LGI1: variants seen among roughly 807,000 people sequenced by gnomAD.
LGI1 encodes leucine rich glioma inactivated 1.
Under a neutral mutation model 57.7 loss-of-function variants are expected in LGI1, and 11 were observed. The observed-to-expected ratio is 0.19, with a 90% confidence interval of 0.12 to 0.32. LGI1 has a LOEUF of 0.32. Ranked by LOEUF, LGI1 falls within the 10% of genes least tolerant of loss-of-function variation. The pLI, the probability that LGI1 is intolerant of heterozygous loss-of-function variation, is 1.00. For synonymous variants in LGI1, 222 were observed against 241.9 expected, an observed-to-expected ratio of 0.92 and a Z score of 0.76; for missense variants, 422 against 661.9, an observed-to-expected ratio of 0.64 and a Z score of 3.98.
chr10:93,774,055 A>G (rs2133996428), intron 2 of LGI1, among the ~76,000 whole-genome samples: 1 of 152,254 alleles, frequency 6.6e-6, no homozygotes, highest in Middle Eastern at 3.4e-3. Context: ...TCTAGGCTAC[A>G]CGTAGTTATA....
intron 2 of LGI1, chr10:93,771,326 T>C (rs932542449): frequency 1.3e-5 from 2 of 152,212 alleles, no homozygotes; most frequent in Non-Finnish European, 2.9e-5. Flanking sequence ...ATTTCCTTGA[T>C]CTCAAGACAG....
Position 93,797,547 on chromosome 10 carries a change from C to G in LGI1, c.1418C>G (p.Ser473Trp). The change falls in exon 8 of 8, where the codon TCG (serine) becomes TGG (tryptophan). Residue 473 changes from serine to tryptophan, a missense_variant. By Grantham distance (177) the Ser-to-Trp change is radical. Around this residue, in one of 3 missense-constraint regions of LGI1, gnomAD observed 301 missense variants for 461.7 expected, o/e 0.65. Transcript: ENST00000371418. This position sits in a 1 kb window ranked among gnomAD's most constrained non-coding sequence, Gnocchi z 6.5. ...TTCCAGGATATTCAGAGGATGCCATCGCGAGGATCCATGGTGTTCCAGCCT... is the reference window on the plus strand; with the variant it reads ...TTCCAGGATATTCAGAGGATGCCATGGCGAGGATCCATGGTGTTCCAGCCT... ...SSFQDIQRMP[S>W]RGSMVFQPLQ... 6.2e-7 allele frequency: 1 copy of G among 1,614,040 alleles called. No individual in the cohort carries two copies. The highest frequency in any genetic ancestry group is 8.5e-7 in the Non-Finnish European group (1 of 1,179,992).
intron 4 of LGI1, among the ~76,000 whole-genome samples, chr10:93,784,392 A>G (rs1227477643): frequency 1.3e-5 from 2 of 152,230 alleles, no homozygotes; most frequent in African/African-American, 4.8e-5. Flanking sequence ...CAAAGCTGTG[A>G]TTTAAGAGCA....
chr10:93,781,228 G>T (rs914427084), intron 4 of LGI1, among the ~76,000 whole-genome samples: 3 of 151,982 alleles, frequency 2.0e-5, no homozygotes, highest in Non-Finnish European at 2.9e-5. Flanking sequence ...GCGTGGTGGT[G>T]GGCGCCTGTA....
intron 2 of LGI1, chr10:93,776,903 A>T: frequency 5.1e-6 from 1 of 195,332 alleles, no homozygotes; most frequent in Non-Finnish European, 1.1e-5. Flanking sequence ...GCCAGTGTCA[A>T]CTGCCTGTCT....
Position 93,797,717 on chromosome 10 carries a change from A to G in LGI1, c.1588A>G (p.Ile530Val). ...ACCAAGATCATTCACACATGTGTCC[A>G]TTAATAAGCGTAATTTTCTTTTTGC... The part of the protein sequence containing the change: ...QAPRSFTHVS[I>V]NKRNFLFASS... The change falls in exon 8 of 8, where the codon ATT becomes GTT. Residue 530 changes from isoleucine (I) to valine (V), a missense_variant. By Grantham distance (29) the Ile-to-Val change is conservative. Around this residue, in one of 3 missense-constraint regions of LGI1, gnomAD observed 301 missense variants for 461.7 expected, o/e 0.65. Transcript: ENST00000371418. The surrounding 1 kb of genome is among the most constrained non-coding windows in gnomAD (Gnocchi z 6.5). The G allele has an allele frequency of 1.9e-6, 3 of 1,613,218 alleles. No individual in the cohort carries two copies. The highest frequency in any genetic ancestry group is 2.5e-6 in the Non-Finnish European group (3 of 1,180,030).
chr10:93,775,653 C>G (rs916652108), intron 2 of LGI1, among the ~76,000 whole-genome samples: 5 of 152,198 alleles, frequency 3.3e-5, no homozygotes, highest in African/African-American at 4.8e-5. Context: ...AAAAATCTAG[C>G]AGAAATCCTC....
intron 7 of LGI1, 120 bp downstream of exon 7, chr10:93,793,470 T>C: frequency 1.1e-6 from 1 of 875,632 alleles, no homozygotes; most frequent in Non-Finnish European, 1.9e-6. Flanking sequence ...CTACCATTTG[T>C]TAAGTGACCT....
intron 2 of LGI1, among the ~76,000 whole-genome samples, chr10:93,775,652 G>T (rs767222670): frequency 6.6e-6 from 1 of 152,202 alleles, no homozygotes; most frequent in Non-Finnish European, 1.5e-5. Flanking sequence ...AAAAAATCTA[G>T]CAGAAATCCT....
chr10:93,779,151 A>G (rs1226003754), intron 4 of LGI1, among the ~76,000 whole-genome samples: 1 of 152,134 alleles, frequency 6.6e-6, no homozygotes, highest in Non-Finnish European at 1.5e-5. Flanking sequence ...CAAAAGAAAC[A>G]AATATATGGA....
chr10:93,767,419 A>T (rs190460233), intron 2 of LGI1: 42 of 152,280 alleles, frequency 2.8e-4, no homozygotes, highest in African/African-American at 9.6e-4. Context: ...TTTACAATGA[A>T]GTTACCTTGG....
chr10:93,758,141 C>G lies in LGI1; in HGVS notation c.-4C>G. The G allele has an allele frequency of 6.2e-7, 1 of 1,613,774 alleles. No homozygotes were observed. Among genetic ancestry groups the G allele is most frequent in the Non-Finnish European group, 8.5e-7 (1 of 1,179,670 alleles). ...TTCATGGTTGGGGATATTTTCTCGA[C>G]TGCATGGAATCAGAAAGAAGCAAAA... On this transcript the variant is annotated 5_prime_UTR_variant, in exon 1 of 8. Transcript: ENST00000371418. This position sits in a 1 kb window ranked among gnomAD's most constrained non-coding sequence, Gnocchi z 4.7.
Position 93,790,132 on chromosome 10 carries a change from A to C in LGI1, c.465A>C (p.Pro155=). The C allele has an allele frequency of 1.2e-6, 2 of 1,605,734 alleles. No homozygotes were observed. Among genetic ancestry groups the C allele is most frequent in the Non-Finnish European group, 8.5e-7 (1 of 1,178,512 alleles). ...SLANNNLQTL[P]KDIFKGLDSL... ...CAAACAACAATCTCCAGACACTCCC[A>C]AAAGATATTTTCAAAGGCCTGGATT... The change falls in exon 5 of 8, where the codon CCA becomes CCC. Residue 155 remains proline (P), a synonymous_variant. Transcript: ENST00000371418.
rs1386173764 is a variant in LGI1 at position 93,797,526 on chromosome 10, A to G, written c.1397A>G (p.Gln466Arg). The G allele has an allele frequency of 1.9e-6, 3 of 1,614,216 alleles. No homozygotes were observed. In the South Asian group the frequency reaches 3.3e-5, roughly 18 times the overall value. Residue 466 changes from glutamine (Q) to arginine (R), a missense_variant, in exon 8 of 8, where the codon CAG becomes CGG. Physicochemically the swap from Gln to Arg is conservative, Grantham distance 43 (BLOSUM62 1). Coordinates refer to ENST00000371418, the MANE Select transcript of LGI1 (RefSeq NM_005097.4). The surrounding 1 kb of genome is among the most constrained non-coding windows in gnomAD (Gnocchi z 6.5). ...ATGAAATGGGGAGGCTCCTCGTTCC[A>G]GGATATTCAGAGGATGCCATCGCGA... Reference protein sequence around the residue: ...KVMKWGGSSFQDIQRMPSRGS... With the variant: ...KVMKWGGSSFRDIQRMPSRGS...
In LGI1 at chr10:93,797,633, T is replaced by C; in HGVS notation, c.1504T>C (p.Tyr502His). Residue 502 changes from tyrosine to histidine, a missense_variant, in exon 8 of 8, where the codon TAT becomes CAT. Coordinates refer to ENST00000371418, the MANE Select transcript of LGI1 (RefSeq NM_005097.4). The surrounding 1 kb of genome is among the most constrained non-coding windows in gnomAD (Gnocchi z 6.5). ...AAGTGATTACTCCTTTACTCAAGTG[T>C]ATAACTGGGATGCAGAGAAAGCCAA... Reference protein sequence around the residue: ...LGSDYSFTQVYNWDAEKAKFV... With the variant: ...LGSDYSFTQVHNWDAEKAKFV... 1 of 1,614,162 alleles carries C rather than the reference T, an allele frequency of 6.2e-7. No individual in the cohort carries two copies. Among genetic ancestry groups the C allele is most frequent in the Non-Finnish European group, 8.5e-7 (1 of 1,180,024 alleles).
rs1190906579 is a variant in LGI1, at chr10:93,792,683, A to G, written c.504-60A>G. The G allele has an allele frequency of 5.2e-6, 8 of 1,538,876 alleles. No homozygotes were observed. The East Asian group carries it at 1.6e-4, about 30-fold the overall frequency. Reference sequence around the variant, plus strand: ...TGCACATGTTAATTGTTGATGTAGAACTCTTTCCTGCGTGGGTAGGGCCCT... The same window carrying G: ...TGCACATGTTAATTGTTGATGTAGAGCTCTTTCCTGCGTGGGTAGGGCCCT... On this transcript the variant is annotated intron_variant, in intron 5 of 7. Coordinates refer to ENST00000371418, the MANE Select transcript of LGI1 (RefSeq NM_005097.4).
intron 2 of LGI1, chr10:93,771,977 A>C (rs1473273840): frequency 3.2e-5 from 1 of 31,406 alleles, no homozygotes. Flanking sequence ...CTTTGTTTCA[A>C]AAAAAAAAAA....
In LGI1 at chr10:93,776,399, T is replaced by C. The variant is rs116003322; in HGVS notation, c.288-980T>C. On this transcript the variant is annotated intron_variant, in intron 2 of 7. Coordinates refer to ENST00000371418, the MANE Select transcript of LGI1 (RefSeq NM_005097.4). ...CTTCTCTAACCCCTTGTTGTCCCCC[T>C]CCTCTGATTATTTGAAGCAATCCCA... Among the ~76,000 whole-genome samples the C allele has an allele frequency of 4.9e-3, 739 of 152,264 alleles. 7 individuals carry two copies. Among genetic ancestry groups the C allele is most frequent in the African/African-American group, 0.017 (693 of 41,542 alleles).
At chr10:93,760,929 CTT>C (rs985967093) in intron 2 of LGI1, among the ~76,000 whole-genome samples, 10 of 152,162 alleles carry the variant, frequency 6.6e-5, no homozygotes, top group Non-Finnish European at 1.2e-4. Flanking sequence ...ACATGGTAGA[CTT>C]GTGCCAGAGC....
Sources: allele counts gnomAD v4.1 joint callset (sites outside exome capture counted in the v4.1 genomes callset), GRCh38; gene constraint gnomAD v4.1.1; regional missense constraint gnomAD v4.1.1; non-coding constraint Gnocchi (gnomAD v3.1); transcripts MANE v1.5; gene names NCBI Gene and HGNC (gene_info 2026-07-23, HGNC 2026-07-21).